PCDHA3: variants seen among roughly 807,000 people sequenced by gnomAD.
PCDHA3 encodes the protein protocadherin alpha-3.
PCDHA3 carries 41 observed loss-of-function variants against 62.2 expected under a neutral mutation model. The observed-to-expected ratio is 0.66, with a 90% CI of 0.51 to 0.86. The LOEUF (loss-of-function observed/expected upper bound fraction) is 0.86. Ranked by LOEUF, PCDHA3 falls within the 40% of genes least tolerant of loss-of-function variation. The pLI is 0.00. For missense variants in PCDHA3, 1,304 were observed against 1,241.2 expected (o/e 1.05, Z -0.76); for synonymous variants, 640 against 555.4 (o/e 1.15, Z -2.14).
chr5:140,892,901 C>G (rs994625869), intron 1 of PCDHA3, among the ~76,000 whole-genome samples: 1 of 152,196 alleles, frequency 6.6e-6, no homozygotes, highest in African/African-American at 2.4e-5. Flanking sequence ...CTTTCCCCAT[C>G]CTCCTTTTCC....
intron 1 of PCDHA3, among the ~76,000 whole-genome samples, chr5:140,923,970 C>T (rs2081601306): frequency 2.6e-5 from 4 of 152,220 alleles, no homozygotes; most frequent in Admixed American, 2.6e-4. Flanking sequence ...TATACCCACA[C>T]ATACTATCCC....
Position 140,829,552 on chromosome 5 carries a change from C to T in PCDHA3, c.2394+25961C>T, listed in dbSNP as rs1302023406. ...CGCGAGACGCGGACGCGCAGGAGAA[C>T]GCGCTGGTGTCCTACTCGCTGGTGG... On this transcript the variant is annotated intron_variant, in intron 1 of 3. Transcript: ENST00000522353. The T allele has an allele frequency of 3.1e-6, 5 of 1,612,754 alleles. No individual in the cohort carries two copies. In the Admixed American group the frequency reaches 6.7e-5, roughly 22 times the overall value.
chr5:140,913,106 T>C (rs1308946519), intron 1 of PCDHA3, among the ~76,000 whole-genome samples: 1 of 152,194 alleles, frequency 6.6e-6, no homozygotes, highest in Admixed American at 6.6e-5. Flanking sequence ...CCTCATAGAA[T>C]CAGTTTGGAA....
chr5:140,907,690 G>C (rs761914004), intron 1 of PCDHA3, among the ~76,000 whole-genome samples: 1 of 152,196 alleles, frequency 6.6e-6, no homozygotes, highest in African/African-American at 2.4e-5. Context: ...TTGGTGAGTG[G>C]AAGTCCCTGT....
chr5:140,821,896 G>A (rs2150111704), intron 1 of PCDHA3: 3 of 1,614,236 alleles, frequency 1.9e-6, no homozygotes, highest in Non-Finnish European at 2.5e-6. Context: ...AGCCAAACAC[G>A]GAACCTTCGT....
chr5:140,882,767 G>T lies in PCDHA3; in HGVS notation c.2394+79176G>T, dbSNP rs1348655523. ...CGATGCAGATATTGGAGTAAACTCG[G>T]CATTGACCTACCGACTGGATCCCAA... On this transcript the variant is annotated intron_variant, in intron 1 of 3. Transcript: ENST00000522353. 1.9e-6 allele frequency: 3 copies of T among 1,614,058 alleles called. No individual in the cohort carries two copies. The South Asian group carries it at 3.3e-5, about 18-fold the overall frequency.
At chr5:141,000,223 G>A (rs1190945878) in intron 3 of PCDHA3, among the ~76,000 whole-genome samples, 2 of 151,642 alleles carry the variant, frequency 1.3e-5, no homozygotes, top group African/African-American at 4.8e-5. Flanking sequence ...AAATGCCTGT[G>A]TGGAGCTGAA....
intron 1 of PCDHA3, among the ~76,000 whole-genome samples, chr5:140,917,241 C>G (rs1383271236): frequency 6.7e-6 from 1 of 150,002 alleles, no homozygotes; most frequent in Non-Finnish European, 1.5e-5. Context: ...AATCTAGGTA[C>G]TACGATTGCT....
In PCDHA3 at chr5:140,981,654, ATTTCTTCCTTCC is replaced by A. The variant is rs563193906; in HGVS notation, c.2454-807_2454-796del. Among the ~76,000 whole-genome samples the A allele has an allele frequency of 1.4e-4, 22 of 152,142 alleles. No individual in the cohort carries two copies. In the East Asian group the frequency reaches 3.9e-3, roughly 27 times the overall value. On this transcript the variant is annotated intron_variant, in intron 2 of 3. Coordinates refer to ENST00000522353, the MANE Select transcript of PCDHA3 (RefSeq NM_018906.3). ...GACATTTTCTCTTAGGATCCCACTTATTTCTTCCTTCCTTTCTTCCTTCCTCCCTTCCATCAT... is the reference window on the plus strand; with the variant it reads ...GACATTTTCTCTTAGGATCCCACTTATTTCTTCCTTCCTCCCTTCCATCAT...
At chr5:140,822,147 C>T in intron 1 of PCDHA3, 1 of 1,614,252 alleles carries the variant, frequency 6.2e-7, no homozygotes, top group Non-Finnish European at 8.5e-7. Flanking sequence ...CAGTGAAGGA[C>T]ATCAATGACA....
chr5:140,956,852 G>A (rs931766503), intron 1 of PCDHA3, among the ~76,000 whole-genome samples: 1 of 152,062 alleles, frequency 6.6e-6, no homozygotes. Flanking sequence ...TGGGTTAAAT[G>A]GTTGAATGAA....
Position 140,801,427 on chromosome 5 carries a change from T to C in PCDHA3, c.230T>C (p.Val77Ala), listed in dbSNP as rs782125063. The C allele has an allele frequency of 6.2e-7, 1 of 1,613,768 alleles. No individual in the cohort carries two copies. Among genetic ancestry groups the C allele is most frequent in the East Asian group, 2.2e-5 (1 of 44,890 alleles). Residue 77 changes from valine to alanine, a missense_variant, in exon 1 of 4, where the codon GTA becomes GCA. Transcript: ENST00000522353. ...ASKRHGDLLEVNLQNGILFVN... is the reference protein window; with the variant it reads ...ASKRHGDLLEANLQNGILFVN... ...AAAAGACACGGGGACCTTCTGGAGG[T>C]AAATCTGCAGAATGGCATTTTGTTT...
intron 1 of PCDHA3, chr5:140,821,856 C>T: frequency 6.2e-7 from 1 of 1,614,160 alleles, no homozygotes; most frequent in Non-Finnish European, 8.5e-7. Flanking sequence ...AGGCAGGGAG[C>T]GGCCAGCTCC....
At chr5:140,805,438 T>C (rs1763568868) in intron 1 of PCDHA3, 1 of 1,029,722 alleles carries the variant, frequency 9.7e-7, no homozygotes, top group Non-Finnish European at 1.2e-6. Context: ...TTTTGGTTTT[T>C]GTGTGTGTGT....
intron 3 of PCDHA3, among the ~76,000 whole-genome samples, chr5:140,985,628 T>C (rs1399381029): frequency 6.6e-6 from 1 of 152,116 alleles, no homozygotes; most frequent in Non-Finnish European, 1.5e-5. Flanking sequence ...TGTGTATTGC[T>C]CTTCTCATCC....
chr5:140,805,128 G>C (rs183815562), intron 1 of PCDHA3: 2 of 1,581,096 alleles, frequency 1.3e-6, no homozygotes, highest in Non-Finnish European at 8.5e-7. Context: ...TCTTGGCAAA[G>C]ACATTTTGAA....
At chr5:140,985,607 C>T (rs1554247195) in intron 3 of PCDHA3, among the ~76,000 whole-genome samples, 1 of 152,156 alleles carries the variant, frequency 6.6e-6, no homozygotes, top group Non-Finnish European at 1.5e-5. Flanking sequence ...GAGCCCTTTC[C>T]GTGAACCAGC....
intron 1 of PCDHA3, chr5:140,806,865 G>C: frequency 2.7e-6 from 1 of 371,838 alleles, no homozygotes; most frequent in East Asian, 5.4e-5. Context: ...GGTACAATGT[G>C]TACCACAGTA....
chr5:140,920,692 A>T (rs552577858), intron 1 of PCDHA3, among the ~76,000 whole-genome samples: 7 of 152,114 alleles, frequency 4.6e-5, no homozygotes, highest in Non-Finnish European at 7.4e-5. Flanking sequence ...AAAAATACAA[A>T]CATTAGCTTG....
Sources: gnomAD v4.1 joint callset for allele counts (sites outside exome capture counted in the v4.1 genomes callset) on GRCh38, gnomAD v4.1.1 for gene constraint, MANE v1.5 for transcripts, NCBI Gene and HGNC (gene_info 2026-07-23, HGNC 2026-07-21) for gene names.